FOXP2: variants seen among roughly 807,000 people sequenced by gnomAD.
FOXP2 encodes the protein forkhead box P2, also known as forkhead box protein P2.
FOXP2 carries 12 observed loss-of-function variants against 115.8 expected under a neutral mutation model. The observed-to-expected ratio is 0.10, with a 90% CI of 0.07 to 0.17. The LOEUF (loss-of-function observed/expected upper bound fraction) is 0.17, where lower values mean the gene tolerates loss of function less well. Ranked by LOEUF, FOXP2 falls within the 10% of genes least tolerant of loss-of-function variation. The pLI, the probability that FOXP2 is intolerant of heterozygous loss-of-function variation, is 1.00. For synonymous variants in FOXP2, 328 were observed against 297.7 expected (o/e 1.10, Z -1.05); for missense variants, 629 against 843.5 (o/e 0.75, Z 3.15).
intron 6 of FOXP2, among the ~76,000 whole-genome samples, chr7:114,637,935 G>A (rs1805313413): frequency 6.6e-6 from 1 of 152,174 alleles, no homozygotes; most frequent in Non-Finnish European, 1.5e-5. Context: ...TATTAGATTA[G>A]ATATCATATG....
At chr7:114,443,088 C>A (rs1794679346) in intron 2 of FOXP2, among the ~76,000 whole-genome samples, 1 of 152,172 alleles carries the variant, frequency 6.6e-6, no homozygotes, top group African/African-American at 2.4e-5. Context: ...TGATGAAATG[C>A]ACATTGTGTG....
At chr7:114,654,689 C>T (rs1255704303) in intron 10 of FOXP2, among the ~76,000 whole-genome samples, 1 of 152,118 alleles carries the variant, frequency 6.6e-6, no homozygotes, top group Non-Finnish European at 1.5e-5. Flanking sequence ...TATACTTTAT[C>T]TCATTCAGCT....
intron 15 of FOXP2, 51 bp downstream of exon 15, chr7:114,663,570 T>C: frequency 1.4e-6 from 2 of 1,421,080 alleles, no homozygotes; most frequent in South Asian, 1.2e-5. Flanking sequence ...GGCTTTTTTT[T>C]TTTTTTTGGC....
chr7:114,627,955 T>A (rs571862397), intron 3 of FOXP2, among the ~76,000 whole-genome samples: 2 of 151,936 alleles, frequency 1.3e-5, no homozygotes, highest in African/African-American at 4.8e-5. Context: ...TATATATATC[T>A]CCTATATGAA....
chr7:114,619,434 T>C (rs1484630314), intron 3 of FOXP2, among the ~76,000 whole-genome samples: 1 of 152,142 alleles, frequency 6.6e-6, no homozygotes, highest in Non-Finnish European at 1.5e-5. Flanking sequence ...ACTGTGACAG[T>C]TTATATTGGA....
At chr7:114,350,398 C>T (rs770937778) in intron 2 of FOXP2, among the ~76,000 whole-genome samples, 2 of 152,002 alleles carry the variant, frequency 1.3e-5, no homozygotes, top group Non-Finnish European at 2.9e-5. Context: ...ACGCAGTGTG[C>T]GGATGTATTA....
upstream of FOXP2, among the ~76,000 whole-genome samples, chr7:114,159,151 A>T (rs1486090364): frequency 6.6e-6 from 1 of 152,124 alleles, no homozygotes; most frequent in East Asian, 1.9e-4. Flanking sequence ...GGCACATGTA[A>T]GAATAGTAAC....
intron 2 of FOXP2, among the ~76,000 whole-genome samples, chr7:114,433,908 C>G (rs1334397947): frequency 1.3e-5 from 2 of 151,746 alleles, no homozygotes; most frequent in East Asian, 3.9e-4. Flanking sequence ...AAAGCATATG[C>G]TACTAATTTT....
chr7:114,244,840 C>T (rs932445308), intron 1 of FOXP2, among the ~76,000 whole-genome samples: 1 of 151,948 alleles, frequency 6.6e-6, no homozygotes, highest in African/African-American at 2.4e-5. Flanking sequence ...CGGCTCACTG[C>T]AAGCTCCGCC....
intron 1 of FOXP2, among the ~76,000 whole-genome samples, chr7:114,283,759 T>C (rs950843727): frequency 1.3e-5 from 2 of 151,962 alleles, no homozygotes; most frequent in Admixed American, 1.3e-4. Context: ...GCCCAGGAGG[T>C]CGAAACCAGC....
intron 16 of FOXP2, among the ~76,000 whole-genome samples, chr7:114,688,246 C>CA (rs1245430172): frequency 1.3e-5 from 1 of 76,936 alleles, no homozygotes; most frequent in Non-Finnish European, 4.0e-5. Context: ...CACACACACA[C>CA]ATCTTTTTTT....
intron 2 of FOXP2, among the ~76,000 whole-genome samples, chr7:114,333,998 A>G (rs1797778128): frequency 6.6e-6 from 1 of 152,052 alleles, no homozygotes; most frequent in African/African-American, 2.4e-5. Context: ...GGAGTGTTGT[A>G]CTACAGGATA....
chr7:114,247,380 A>G (rs116612030), intron 1 of FOXP2, among the ~76,000 whole-genome samples: 6,093 of 151,748 alleles, frequency 0.04, 295 homozygotes, highest in African/African-American at 0.12. Context: ...AAAGTTAATC[A>G]TCATCTTTTG....
At chr7:114,367,943 G>GA (rs1215016861) in intron 2 of FOXP2, among the ~76,000 whole-genome samples, 3 of 152,158 alleles carry the variant, frequency 2.0e-5, no homozygotes, top group African/African-American at 7.2e-5. Flanking sequence ...TTTGTACACT[G>GA]AAAAATATCT....
At chr7:114,143,453 T>C (rs1792281593) in intron 1 of FOXP2, among the ~76,000 whole-genome samples, 1 of 152,010 alleles carries the variant, frequency 6.6e-6, no homozygotes, top group Admixed American at 6.6e-5. Context: ...TAACAAACAA[T>C]GCCCCCCCAC....
chr7:114,580,505 G>A (rs1188848870), intron 3 of FOXP2, among the ~76,000 whole-genome samples: 1 of 152,156 alleles, frequency 6.6e-6, no homozygotes, highest in East Asian at 1.9e-4. Flanking sequence ...TTGAACCCGG[G>A]AGGCAGAGGT....
At chr7:114,158,757 C>A (rs1728213868), upstream of FOXP2, among the ~76,000 whole-genome samples, 1 of 152,026 alleles carries the variant, frequency 6.6e-6, no homozygotes, top group Admixed American at 6.6e-5. Context: ...AATGAGAGAC[C>A]AGTAACTGAT....
chr7:114,279,389 T>C (rs1357819810), intron 1 of FOXP2, among the ~76,000 whole-genome samples: 1 of 152,166 alleles, frequency 6.6e-6, no homozygotes, highest in East Asian at 1.9e-4. Context: ...AGAGTCCTTA[T>C]ATAGTGGTGG....
chr7:114,656,029 T>G (rs893036426), intron 10 of FOXP2, among the ~76,000 whole-genome samples: 10 of 152,208 alleles, frequency 6.6e-5, no homozygotes, highest in African/African-American at 2.4e-4. Context: ...TAAATTCTAT[T>G]TTATCAGTTT....
Sources: gnomAD v4.1 joint callset for allele counts (sites outside exome capture counted in the v4.1 genomes callset) on GRCh38, gnomAD v4.1.1 for gene constraint, MANE v1.5 for transcripts, NCBI Gene and HGNC (gene_info 2026-07-23, HGNC 2026-07-21) for gene names.